ARHGEF26: variants seen among roughly 807,000 people sequenced by gnomAD.
ARHGEF26 encodes the protein Rho guanine nucleotide exchange factor (GEF) 26.
Under a neutral mutation model 89.4 loss-of-function variants are expected in ARHGEF26, and 59 were observed. The observed-to-expected ratio is 0.66, with a 90% CI of 0.54 to 0.82. The LOEUF is 0.82. Ranked by LOEUF, ARHGEF26 falls within the 40% of genes least tolerant of loss-of-function variation. ARHGEF26 has a pLI of 0.00. For missense variants in ARHGEF26, 1,234 were observed against 1,085.6 expected (o/e 1.14, Z -1.92); for synonymous variants, 500 against 428.4 (o/e 1.17, Z -2.06).
chr3:154,253,096 G>A lies in ARHGEF26; in HGVS notation c.2301-20G>A, dbSNP rs777072568. Reference sequence around the variant, plus strand: ...TTTTTACACCTTGAGTCTCTCAGTTGGATCTGCCCTCTGTTTTAGGAGCGA... The same window carrying A: ...TTTTTACACCTTGAGTCTCTCAGTTAGATCTGCCCTCTGTTTTAGGAGCGA... On this transcript the variant is annotated intron_variant, in intron 12 of 14. Coordinates refer to ENST00000465093, the MANE Select transcript of ARHGEF26 (RefSeq NM_015595.4). 4 of 1,613,472 alleles carry A rather than the reference G, an allele frequency of 2.5e-6. No homozygotes were observed. The African/African-American group carries it at 4.0e-5, about 16-fold the overall frequency.
chr3:154,251,677 G>C (rs1488153573), intron 12 of ARHGEF26, among the ~76,000 whole-genome samples: 2 of 152,178 alleles, frequency 1.3e-5, no homozygotes, highest in African/African-American at 4.8e-5. Context: ...TGGAGGAAGT[G>C]AGCCTTGTGT....
At chr3:154,196,207 TAGAAAG>T (rs778590459) in intron 9 of ARHGEF26, among the ~76,000 whole-genome samples, 5 of 151,446 alleles carry the variant, frequency 3.3e-5, no homozygotes, top group Admixed American at 2.6e-4. Flanking sequence ...ATTCAGGGAG[TAGAAAG>T]AGAAAGAGCT....
intron 4 of ARHGEF26, among the ~76,000 whole-genome samples, chr3:154,147,222 T>C (rs1719754744): frequency 1.3e-5 from 2 of 152,132 alleles, no homozygotes; most frequent in Non-Finnish European, 2.9e-5. Flanking sequence ...CTGACCAACA[T>C]GGTGAAACCC....
intron 2 of ARHGEF26, 29 bp downstream of exon 2, chr3:154,123,104 A>G (rs1196024174): frequency 6.2e-7 from 1 of 1,610,064 alleles, no homozygotes; most frequent in African/African-American, 1.3e-5. Context: ...GTGGCACGCC[A>G]TTCACTAAGC....
At chr3:154,240,773 G>C (rs1210197819) in intron 12 of ARHGEF26, among the ~76,000 whole-genome samples, 194 bp downstream of exon 12, 2 of 152,198 alleles carry the variant, frequency 1.3e-5, no homozygotes, top group Non-Finnish European at 2.9e-5. Context: ...ACAGGAGAAG[G>C]ATGTTGTTAT....
chr3:154,225,531 A>G (rs1210414035), intron 10 of ARHGEF26, among the ~76,000 whole-genome samples: 1 of 152,152 alleles, frequency 6.6e-6, no homozygotes, highest in African/African-American at 2.4e-5. Flanking sequence ...TCAATTGTAA[A>G]TAACTCCTTA....
At chr3:154,200,357 A>G (rs1449117080) in intron 9 of ARHGEF26, among the ~76,000 whole-genome samples, 1 of 152,156 alleles carries the variant, frequency 6.6e-6, no homozygotes. Flanking sequence ...TTTGTCATAA[A>G]TGAGTTCACT....
At chr3:154,187,307 A>G in intron 6 of ARHGEF26, 7 of 761,580 alleles carry the variant, frequency 9.2e-6, no homozygotes, top group Non-Finnish European at 1.1e-5. Context: ...AAATAATGAA[A>G]TATGTTTAGT....
chr3:154,166,822 G>A lies in ARHGEF26; in HGVS notation c.1487+13890G>A, dbSNP rs545026557. Among the ~76,000 whole-genome samples, 3 of 152,280 alleles carry A rather than the reference G, an allele frequency of 2.0e-5. No individual in the cohort carries two copies. In the East Asian group the frequency reaches 5.8e-4, roughly 29 times the overall value. On this transcript the variant is annotated intron_variant, in intron 6 of 14. Coordinates refer to ENST00000465093, the MANE Select transcript of ARHGEF26 (RefSeq NM_015595.4). ...ACTGAAAGTAATAAATGTACATGGT[G>A]TAAAATTCAAATACTGCCAAAAAGT...
intron 10 of ARHGEF26, among the ~76,000 whole-genome samples, chr3:154,221,600 A>G (rs1054569516): frequency 1.3e-5 from 2 of 152,238 alleles, no homozygotes; most frequent in African/African-American, 4.8e-5. Context: ...GATTAATTAA[A>G]TAAATTATAG....
chr3:154,129,554 T>C lies in ARHGEF26; in HGVS notation c.1124-20T>C, dbSNP rs747847166. On this transcript the variant is annotated intron_variant, in intron 3 of 14. Coordinates refer to ENST00000465093, the MANE Select transcript of ARHGEF26 (RefSeq NM_015595.4). ...ATGATTGAGAACAATTAGTGACACATAGGCCTTGTTTTCTTGCAGAAAATG... is the reference window on the plus strand; with the variant it reads ...ATGATTGAGAACAATTAGTGACACACAGGCCTTGTTTTCTTGCAGAAAATG... 3 of 1,608,200 alleles carry C rather than the reference T, an allele frequency of 1.9e-6. No individual in the cohort carries two copies. Among genetic ancestry groups the C allele is most frequent in the South Asian group, 2.2e-5 (2 of 89,774 alleles).
chr3:154,141,117 T>C (rs1463985422), intron 4 of ARHGEF26, among the ~76,000 whole-genome samples: 5 of 151,938 alleles, frequency 3.3e-5, no homozygotes, highest in Non-Finnish European at 7.4e-5. Flanking sequence ...GGCTGCCACC[T>C]TGCCCGGCTG....
chr3:154,137,115 T>C (rs1719056566), intron 4 of ARHGEF26, among the ~76,000 whole-genome samples: 1 of 152,190 alleles, frequency 6.6e-6, no homozygotes, highest in African/African-American at 2.4e-5. Context: ...GAAATTTAAT[T>C]CCTGATGTAG....
intron 4 of ARHGEF26, 38 bp downstream of exon 4, chr3:154,129,757 A>G (rs535567953): frequency 1.3e-6 from 2 of 1,570,894 alleles, no homozygotes; most frequent in South Asian, 1.2e-5. Flanking sequence ...TGGTAGGAAA[A>G]AAACAAGTTT....
intron 6 of ARHGEF26, among the ~76,000 whole-genome samples, chr3:154,159,090 G>T (rs1711520906): frequency 6.6e-6 from 1 of 152,016 alleles, no homozygotes; most frequent in South Asian, 2.1e-4. Flanking sequence ...AAAGTTTTCT[G>T]CAAAATGAAA....
At chr3:154,146,084 A>G (rs896013) in intron 4 of ARHGEF26, among the ~76,000 whole-genome samples, 134,622 of 152,216 alleles carry the variant, frequency 0.88, 59,618 homozygotes, top group East Asian at 1. Flanking sequence ...CATAAATTGG[A>G]TAGCTTATAA....
chr3:154,234,939 G>A (rs1490982854), intron 11 of ARHGEF26, among the ~76,000 whole-genome samples: 1 of 151,952 alleles, frequency 6.6e-6, no homozygotes, highest in Non-Finnish European at 1.5e-5. Flanking sequence ...CTAATTTTTT[G>A]TATTTTTAGA....
intron 6 of ARHGEF26, among the ~76,000 whole-genome samples, chr3:154,173,036 T>C (rs573575400): frequency 6.6e-6 from 1 of 152,338 alleles, no homozygotes; most frequent in East Asian, 1.9e-4. Context: ...AGTCGACATT[T>C]GAGAAATGGT....
intron 11 of ARHGEF26, among the ~76,000 whole-genome samples, chr3:154,234,271 T>C (rs540977093): frequency 5.3e-5 from 8 of 152,306 alleles, no homozygotes; most frequent in Admixed American, 2.0e-4. Flanking sequence ...CTATCCTGGG[T>C]GCATCTTGGT....
Sources: gnomAD v4.1 joint callset for allele counts (sites outside exome capture counted in the v4.1 genomes callset) on GRCh38, gnomAD v4.1.1 for gene constraint, MANE v1.5 for transcripts, NCBI Gene and HGNC (gene_info 2026-07-23, HGNC 2026-07-21) for gene names.